The following DLGAP2 variants were observed in gnomAD, a reference collection of about 807,000 sequenced individuals.
DLGAP2 encodes disks large-associated protein 2.
DLGAP2 carries 26 observed loss-of-function variants against 100.3 expected under a neutral mutation model. The ratio of observed to expected loss-of-function variants is 0.26; its 90% confidence interval spans 0.19 to 0.36. The LOEUF (loss-of-function observed/expected upper bound fraction) is 0.36. Among genes scored for constraint, DLGAP2 ranks in the 10% least tolerant of loss-of-function variants. The pLI is 1.00. For synonymous variants in DLGAP2, 886 were observed against 630.1 expected (o/e 1.41, Z -6.08); for missense variants, 1,858 against 1,453.2 (o/e 1.28, Z -4.53).
At chr8:1,582,904 G>A (rs1795990837) in intron 6 of DLGAP2, among the ~76,000 whole-genome samples, 1 of 152,146 alleles carries the variant, frequency 6.6e-6, no homozygotes, top group South Asian at 2.1e-4. Context: ...GAGGGCAGCA[G>A]GAACTTAGAA....
intron 1 of DLGAP2, among the ~76,000 whole-genome samples, chr8:787,583 T>A (rs1821906236): frequency 6.6e-6 from 1 of 152,158 alleles, no homozygotes; most frequent in Admixed American, 6.5e-5. Context: ...CTTGGTGAGG[T>A]CAGCAGTGTT....
In DLGAP2 at chr8:1,703,790, G is replaced by A. The variant is rs1042455136; in HGVS notation, c.*2384G>A. The A allele has an allele frequency of 4.6e-5, 7 of 152,498 alleles. No individual in the cohort carries two copies. The highest frequency in any genetic ancestry group is 1.7e-4 in the African/African-American group (7 of 41,436). 9.4% of individuals were successfully genotyped at this position (152,498 alleles called of 1,614,324 possible). ...ATTTCTTATGTTTTGTAGACTCATT[G>A]TTATTTTTCAATCCCCAAAAGTCTT... On this transcript the variant is annotated 3_prime_UTR_variant, in exon 15 of 15. Transcript: ENST00000637795.
At chr8:914,883 G>A (rs1297073385) in intron 2 of DLGAP2, among the ~76,000 whole-genome samples, 4 of 152,144 alleles carry the variant, frequency 2.6e-5, no homozygotes, top group African/African-American at 9.7e-5. Flanking sequence ...CTGTGGGGCT[G>A]GAAATAGACC....
At chr8:919,665 A>T (rs1413933908) in intron 2 of DLGAP2, among the ~76,000 whole-genome samples, 1 of 152,200 alleles carries the variant, frequency 6.6e-6, no homozygotes, top group Non-Finnish European at 1.5e-5. Flanking sequence ...AGAAGCAGCA[A>T]GTCCCTGGAG....
chr8:738,941 C>T (rs1185076407), intron 1 of DLGAP2: 1 of 152,990 alleles, frequency 6.5e-6, no homozygotes, highest in Non-Finnish European at 1.5e-5. Context: ...AACTCGCGGC[C>T]CCCGGTCCCG....
intron 1 of DLGAP2, among the ~76,000 whole-genome samples, chr8:886,306 A>G (rs1797920878): frequency 6.6e-6 from 1 of 150,538 alleles, no homozygotes; most frequent in South Asian, 2.1e-4. Flanking sequence ...TATTTTGTTA[A>G]TTTTTTTCAA....
chr8:862,125 C>T (rs1275476845), intron 1 of DLGAP2, among the ~76,000 whole-genome samples: 2 of 152,086 alleles, frequency 1.3e-5, no homozygotes, highest in African/African-American at 2.4e-5. Context: ...GGTGGGGTCT[C>T]TTTTGTGGAG....
At chr8:778,300 C>T (rs556167838) in intron 1 of DLGAP2, among the ~76,000 whole-genome samples, 2 of 152,318 alleles carry the variant, frequency 1.3e-5, no homozygotes, top group East Asian at 3.9e-4. Flanking sequence ...CGTGTCCTCT[C>T]GTAGCTCAGA....
In DLGAP2 at chr8:1,670,624, G is replaced by T. The variant is rs114169492; in HGVS notation, c.2202+840G>T. On this transcript the variant is annotated intron_variant, in intron 10 of 14. Transcript: ENST00000637795. ...ACGGATGGGTCGCTGGGTGCGTGCT[G>T]GGTGAGGATGGATGCAAAGACAGGA... Among the ~76,000 whole-genome samples the T allele has an allele frequency of 9.7e-3, 1,474 of 152,344 alleles. 29 individuals are homozygous for T. Among genetic ancestry groups the T allele is most frequent in the African/African-American group, 0.034 (1,394 of 41,572 alleles).
chr8:1,391,902 A>G (rs931623286), intron 3 of DLGAP2, among the ~76,000 whole-genome samples: 1 of 152,374 alleles, frequency 6.6e-6, no homozygotes, highest in Non-Finnish European at 1.5e-5. Context: ...TCCACCTTGG[A>G]CAACCAACAA....
chr8:990,479 TG>T (rs1475191778), intron 2 of DLGAP2, among the ~76,000 whole-genome samples: 7 of 7,474 alleles, frequency 9.4e-4, no homozygotes, highest in African/African-American at 1.9e-3. Flanking sequence ...CCGGACCCCC[TG>T]CACCCCCATA....
chr8:1,376,227 A>C (rs1276675299), intron 3 of DLGAP2, among the ~76,000 whole-genome samples: 1 of 152,268 alleles, frequency 6.6e-6, no homozygotes, highest in Non-Finnish European at 1.5e-5. Context: ...CTTGAAGCCC[A>C]GCTGTGGGTG....
At chr8:833,841 G>A (rs1466034097) in intron 1 of DLGAP2, among the ~76,000 whole-genome samples, 1 of 152,208 alleles carries the variant, frequency 6.6e-6, no homozygotes, top group Non-Finnish European at 1.5e-5. Flanking sequence ...TAGTTGCAAA[G>A]GAAGTTTTTC....
rs1225313792 is a variant in DLGAP2 at position 1,315,399 on chromosome 8, G to A, written c.106+56516G>A. Among the ~76,000 whole-genome samples the A allele has an allele frequency of 2.9e-5, 4 of 139,930 alleles. No individual in the cohort carries two copies. The South Asian group carries it at 7.0e-4, about 25-fold the overall frequency. 91.8% of individuals were successfully genotyped at this position (139,930 alleles called of 152,430 possible). On this transcript the variant is annotated intron_variant, in intron 3 of 14. Transcript: ENST00000637795. ...GTCTCTCCAACAGTGGTCTACACTC[G>A]AGAAACTCGGCAGCTTTTAAAAATA...
chr8:1,706,094 G>C lies in DLGAP2; in HGVS notation c.*4688G>C, dbSNP rs1799697750. 1 of 152,226 alleles carries C rather than the reference G, an allele frequency of 6.6e-6. No homozygotes were observed. Among genetic ancestry groups the C allele is most frequent in the Admixed American group, 6.5e-5 (1 of 15,280 alleles). 9.4% of individuals were successfully genotyped at this position (152,226 alleles called of 1,614,324 possible). Reference sequence around the variant, plus strand: ...CAATACATTGTTGGCCATAAACAAAGTGCTAAAGGAAAGGGTTTGCTTCTA... The same window carrying C: ...CAATACATTGTTGGCCATAAACAAACTGCTAAAGGAAAGGGTTTGCTTCTA... On this transcript the variant is annotated 3_prime_UTR_variant, in exon 15 of 15. Coordinates refer to ENST00000637795, the MANE Select transcript of DLGAP2 (RefSeq NM_001346810.2).
At chr8:944,219 A>C (rs1563106508) in intron 2 of DLGAP2, among the ~76,000 whole-genome samples, 1 of 152,154 alleles carries the variant, frequency 6.6e-6, no homozygotes, top group Non-Finnish European at 1.5e-5. Flanking sequence ...CTGGGTGGTA[A>C]CCAGTCCCTG....
At chr8:798,455 C>T (rs1419857125) in intron 1 of DLGAP2, among the ~76,000 whole-genome samples, 1 of 146,370 alleles carries the variant, frequency 6.8e-6, no homozygotes, top group Non-Finnish European at 1.5e-5. Flanking sequence ...GCCCCGTGCC[C>T]CGGCGCTGAC....
At chr8:915,188 C>T (rs549388090) in intron 2 of DLGAP2, among the ~76,000 whole-genome samples, 1 of 152,300 alleles carries the variant, frequency 6.6e-6, no homozygotes, top group Admixed American at 6.5e-5. Context: ...ACTCAGCCTG[C>T]ATCTGTGTGG....
chr8:810,939 G>A (rs1298681861), intron 1 of DLGAP2, among the ~76,000 whole-genome samples: 2 of 152,204 alleles, frequency 1.3e-5, no homozygotes, highest in African/African-American at 2.4e-5. Flanking sequence ...TTGGATGTTC[G>A]GGTATAATGC....
Sources: gnomAD v4.1 joint callset for allele counts (sites outside exome capture counted in the v4.1 genomes callset) on GRCh38, gnomAD v4.1.1 for gene constraint, MANE v1.5 for transcripts, NCBI Gene and HGNC (gene_info 2026-07-23, HGNC 2026-07-21) for gene names.